ABCA10: variants seen among roughly 807,000 people sequenced by gnomAD.
ABCA10 encodes ATP-binding cassette sub-family A member 10.
In ABCA10, 169 loss-of-function variants were observed where a neutral mutation model predicts 187.5. The ratio of observed to expected loss-of-function variants is 0.90; its 90% CI spans 0.80 to 1.02. The LOEUF is 1.02. Ranked by LOEUF, ABCA10 falls within the 50% of genes least tolerant of loss-of-function variation. The pLI is 0.00. For synonymous variants in ABCA10, 574 were observed against 601.8 expected, an observed-to-expected ratio of 0.95 and a Z score of 0.68; for missense variants, 1,727 against 1,812.4, an observed-to-expected ratio of 0.95 and a Z score of 0.86.
Position 69,182,281 on chromosome 17 carries a change from A to G in ABCA10, c.2641T>C (p.Phe881Leu). 6.5e-7 allele frequency: 1 copy of G among 1,545,450 alleles called. No individual in the cohort carries two copies. The highest frequency in any genetic ancestry group is 8.7e-7 in the Non-Finnish European group (1 of 1,146,708). Residue 881 changes from phenylalanine to leucine, a missense_variant, in exon 22 of 39, where the codon TTT becomes CTT. Coordinates refer to ENST00000690296, the MANE Select transcript of ABCA10 (RefSeq NM_001377321.1). ...TTCTTGGTATTACACGCAACAGAAA[A>G]TCTGTAATCCTTGAAAAAAAGTACA... ...IVSGDQKDYR[F>L]SVACNTKKLN... is the part of the protein sequence containing the mutation.
intron 9 of ABCA10, among the ~76,000 whole-genome samples, chr17:69,208,245 A>G (rs916874448): frequency 4.6e-5 from 7 of 151,798 alleles, no homozygotes; most frequent in African/African-American, 1.7e-4. Flanking sequence ...GTGAAAGCCC[A>G]TCTCTACTAA....
chr17:69,153,644 A>C (rs1473941653), intron 32 of ABCA10, 98 bp from the exon 33 acceptor site: 1 of 1,493,396 alleles, frequency 6.7e-7, no homozygotes. Flanking sequence ...CTAGATAGTA[A>C]ATTTAAGCTT....
intron 1 of ABCA10, chr17:69,234,843 T>A (rs148122459): frequency 8.5e-5 from 13 of 152,358 alleles, no homozygotes; most frequent in African/African-American, 3.1e-4. Flanking sequence ...TAATGCTTAG[T>A]TCTTATACGT....
intron 23 of ABCA10, 56 bp from the exon 24 acceptor site, chr17:69,174,833 G>C (rs2074323025): frequency 7.1e-7 from 1 of 1,400,602 alleles, no homozygotes; most frequent in Admixed American, 2.5e-5. Flanking sequence ...AGATTTTGTG[G>C]TTATGTAAAA....
intron 6 of ABCA10, among the ~76,000 whole-genome samples, chr17:69,218,662 T>C (rs575838292): frequency 8.6e-4 from 129 of 149,878 alleles, no homozygotes; most frequent in African/African-American, 3.2e-3. Flanking sequence ...AGCATAGATA[T>C]ATATATAAAT....
rs746148059 is a variant in ABCA10, at chr17:69,193,949, A to C, written c.1386T>G (p.Thr462=). The C allele has an allele frequency of 6.2e-7, 1 of 1,609,980 alleles. No homozygotes were observed. The highest frequency in any genetic ancestry group is 8.5e-7 in the Non-Finnish European group (1 of 1,178,184). Residue 462 remains threonine (T), a synonymous_variant, in exon 13 of 39, where the codon ACT becomes ACG. Transcript: ENST00000690296. The stretch of plus-strand genomic sequence containing the variant: ...TATTCTTTCTAATTTCTTCCATGTC[A>C]GTTATTTCAGAGAGTTGAGTATTAT... ...TIYNTQLSEI[T]DMEEIRKNIG... is the part of the protein sequence containing the mutation.
chr17:69,238,012 A>T (rs747213454), intron 1 of ABCA10, among the ~76,000 whole-genome samples: 3 of 152,042 alleles, frequency 2.0e-5, no homozygotes, highest in Non-Finnish European at 4.4e-5. Context: ...AAATACAAAA[A>T]TTAGATGGGC....
chr17:69,243,431 G>A (rs780114474), intron 1 of ABCA10, among the ~76,000 whole-genome samples: 1 of 152,196 alleles, frequency 6.6e-6, no homozygotes, highest in Non-Finnish European at 1.5e-5. Flanking sequence ...TAACACAATA[G>A]TAAATATTTG....
intron 20 of ABCA10, among the ~76,000 whole-genome samples, chr17:69,183,143 A>G (rs2074393289): frequency 1.3e-5 from 2 of 152,190 alleles, no homozygotes; most frequent in South Asian, 4.1e-4. Context: ...ACTTTACCAG[A>G]ACCCTGTAAT....
At chr17:69,177,846 C>T (rs943454761) in intron 22 of ABCA10, among the ~76,000 whole-genome samples, 3 of 149,358 alleles carry the variant, frequency 2.0e-5, no homozygotes, top group Non-Finnish European at 4.4e-5. Context: ...ATTCCAGCTA[C>T]TTGGGAGGCT....
At chr17:69,231,605 T>A (rs1410137087), upstream of ABCA10, among the ~76,000 whole-genome samples, 2 of 152,204 alleles carry the variant, frequency 1.3e-5, no homozygotes, top group African/African-American at 4.8e-5. Context: ...TGATTTCTAG[T>A]TTTATTCCAT....
At chr17:69,167,876 TTATAA>T (rs915592737) in intron 25 of ABCA10, among the ~76,000 whole-genome samples, 50 of 151,804 alleles carry the variant, frequency 3.3e-4, no homozygotes, top group Admixed American at 2.7e-3. Flanking sequence ...AAGACAGAAA[TTATAA>T]TATATTTCTG....
chr17:69,198,169 T>C (rs558226752), intron 10 of ABCA10, among the ~76,000 whole-genome samples: 1 of 152,332 alleles, frequency 6.6e-6, no homozygotes, highest in Non-Finnish European at 1.5e-5. Flanking sequence ...GAATTTAACT[T>C]TATAAATCTA....
chr17:69,229,389 T>C (rs1487968645), upstream of ABCA10, among the ~76,000 whole-genome samples: 1 of 152,084 alleles, frequency 6.6e-6, no homozygotes, highest in South Asian at 2.1e-4. Flanking sequence ...TGATATCTGA[T>C]ACCCATTTAA....
At chr17:69,222,273 G>A (rs140245225) in intron 4 of ABCA10, among the ~76,000 whole-genome samples, 1,659 of 151,646 alleles carry the variant, frequency 0.011, 16 homozygotes, top group Non-Finnish European at 0.016. Context: ...GGGAGGCAGC[G>A]GTTCCAGTGA....
At chr17:69,156,724 A>G in intron 28 of ABCA10, 108 bp downstream of exon 28, 1 of 587,520 alleles carries the variant, frequency 1.7e-6, no homozygotes, top group Non-Finnish European at 2.6e-6. Context: ...CCAACCTGAA[A>G]CCCTGTTTCT....
Position 69,174,283 on chromosome 17 carries a change from T to TA in ABCA10, c.3159dup (p.Ile1054TyrfsTer16). On this transcript the variant is annotated frameshift_variant, in exon 25 of 39. Coordinates refer to ENST00000690296, the MANE Select transcript of ABCA10 (RefSeq NM_001377321.1). LOFTEE classifies it high-confidence loss of function. The stretch of plus-strand genomic sequence containing the variant: ...TGCACGCATGTATATATACTTACAA[T>TA]AAAAAAGCCAAAAGACCAAAAGCCA... The TA allele has an allele frequency of 1.3e-6, 2 of 1,584,616 alleles. No homozygotes were observed. Among genetic ancestry groups the TA allele is most frequent in the African/African-American group, 1.4e-5 (1 of 73,128 alleles).
intron 3 of ABCA10, 105 bp from the exon 4 acceptor site, chr17:69,222,802 A>G: frequency 1.9e-6 from 2 of 1,077,006 alleles, no homozygotes; most frequent in Non-Finnish European, 2.5e-6. Flanking sequence ...GTGGTATTAT[A>G]TATTATTTCT....
Position 69,155,956 on chromosome 17 carries a change from C to G in ABCA10, c.3456-31G>C, listed in dbSNP as rs370830895. The G allele has an allele frequency of 5.8e-5, 92 of 1,597,468 alleles. 1 individual carries two copies. The African/African-American group carries it at 1.1e-3, about 18-fold the overall frequency. ...GAGGAAATAAAATAACATAAAAATG[C>G]AATTTTGGCTGTACAACTGTTAAGA... On this transcript the variant is annotated intron_variant, in intron 28 of 38. Coordinates refer to ENST00000690296, the MANE Select transcript of ABCA10 (RefSeq NM_001377321.1).
Sources: gnomAD v4.1 joint callset for allele counts (sites outside exome capture counted in the v4.1 genomes callset) on GRCh38, gnomAD v4.1.1 for gene constraint, MANE v1.5 for transcripts, NCBI Gene and HGNC (gene_info 2026-07-23, HGNC 2026-07-21) for gene names.